The following QTMAN variants were observed in gnomAD, a reference collection of about 807,000 sequenced individuals.
The protein encoded by QTMAN is tRNA-queuosine alpha-mannosyltransferase.
the QTMAN span, among the ~76,000 whole-genome samples, chr2:144,238,511 T>C: frequency 6.6e-6 from 1 of 152,138 alleles, no homozygotes. Flanking sequence ...AGCTGTTGCC[T>C]GCAACTAAGA....
At chr2:144,098,925 C>G in the QTMAN span, among the ~76,000 whole-genome samples, 3 of 151,596 alleles carry the variant, frequency 2.0e-5, no homozygotes, top group Non-Finnish European at 2.9e-5. Flanking sequence ...ACTGATTTCC[C>G]TTTCCAGTGT....
chr2:143,989,784 G>A, the QTMAN span, among the ~76,000 whole-genome samples: 1 of 152,140 alleles, frequency 6.6e-6, no homozygotes, highest in African/African-American at 2.4e-5. Flanking sequence ...GTTGCCAAGT[G>A]ATGGTCATGT....
At chr2:144,136,383 AAAAGGAAAAGGAAAAGGAAAGG>A in the QTMAN span, among the ~76,000 whole-genome samples, 5 of 110,100 alleles carry the variant, frequency 4.5e-5, no homozygotes, top group Non-Finnish European at 9.8e-5. Context: ...AAGGAAAAGG[AAAAGGAAAAGGAAAAGGAAAGG>A]AAAGGAAAGG....
chr2:144,199,749 T>C, the QTMAN span, among the ~76,000 whole-genome samples: 2 of 152,188 alleles, frequency 1.3e-5, no homozygotes, highest in African/African-American at 4.8e-5. Context: ...ATGAGAGACA[T>C]GACAAATTCC....
At chr2:144,208,678 G>T in the QTMAN span, 8 of 1,613,722 alleles carry the variant, frequency 5.0e-6, no homozygotes, top group Non-Finnish European at 6.8e-6. Context: ...CCATTTCTTT[G>T]CAGGAAGGGT....
At chr2:144,204,071 A>G in the QTMAN span, among the ~76,000 whole-genome samples, 4 of 152,186 alleles carry the variant, frequency 2.6e-5, no homozygotes, top group Non-Finnish European at 5.9e-5. Context: ...AATACCATTC[A>G]GGACATAGGC....
At chr2:144,300,214 C>T in the QTMAN span, among the ~76,000 whole-genome samples, 1 of 152,232 alleles carries the variant, frequency 6.6e-6, no homozygotes, top group South Asian at 2.1e-4. Context: ...GGGAATGTAC[C>T]TAATGCCACT....
At chr2:144,066,305 T>G in the QTMAN span, among the ~76,000 whole-genome samples, 2 of 152,216 alleles carry the variant, frequency 1.3e-5, no homozygotes, top group African/African-American at 4.8e-5. Context: ...AAAATGTTCA[T>G]ATAAAAACTT....
chr2:144,064,056 C>T, the QTMAN span, among the ~76,000 whole-genome samples: 1 of 151,878 alleles, frequency 6.6e-6, no homozygotes, highest in South Asian at 2.1e-4. Flanking sequence ...TTTCAGTCTT[C>T]GAGCATAAAT....
chr2:144,306,049 A>C, the QTMAN span, among the ~76,000 whole-genome samples: 7,208 of 152,276 alleles, frequency 0.047, 259 homozygotes, highest in South Asian at 0.11. Flanking sequence ...TTTTCTCGAC[A>C]AATTGTCTTG....
At chr2:144,184,399 C>G in the QTMAN span, among the ~76,000 whole-genome samples, 17 of 152,248 alleles carry the variant, frequency 1.1e-4, 1 homozygote, top group South Asian at 3.3e-3. Flanking sequence ...AATATTTGCT[C>G]ATAATTCCTT....
chr2:144,159,350 G>T, the QTMAN span, among the ~76,000 whole-genome samples: 1 of 152,026 alleles, frequency 6.6e-6, no homozygotes, highest in East Asian at 1.9e-4. Flanking sequence ...TTTCAATAGT[G>T]TAAAGCTGGT....
chr2:144,277,938 A>G, the QTMAN span, among the ~76,000 whole-genome samples: 2 of 152,298 alleles, frequency 1.3e-5, no homozygotes, highest in East Asian at 3.9e-4. Flanking sequence ...TAGGATCTGC[A>G]TATGCCCTGA....
chr2:144,058,233 A>G, the QTMAN span, among the ~76,000 whole-genome samples: 4 of 149,442 alleles, frequency 2.7e-5, no homozygotes, highest in African/African-American at 4.9e-5. Context: ...CCCCTGTCCA[A>G]TCTTTCCTTG....
the QTMAN span, among the ~76,000 whole-genome samples, chr2:144,044,393 A>G: frequency 3.3e-4 from 50 of 152,240 alleles, 1 homozygote; most frequent in East Asian, 7.5e-3. Context: ...TCTCAATTTC[A>G]TAAAAGGGAG....
At chr2:144,309,292 T>C in the QTMAN span, among the ~76,000 whole-genome samples, 1 of 152,154 alleles carries the variant, frequency 6.6e-6, no homozygotes, top group Non-Finnish European at 1.5e-5. Flanking sequence ...TTAAAGCCTA[T>C]TTCCACAAAG....
At chr2:144,280,536 TC>T in the QTMAN span, among the ~76,000 whole-genome samples, 1 of 151,704 alleles carries the variant, frequency 6.6e-6, no homozygotes, top group Non-Finnish European at 1.5e-5. Flanking sequence ...AGAAACCATA[TC>T]AAAAATAAAA....
At chr2:144,293,970 G>C in the QTMAN span, among the ~76,000 whole-genome samples, 1 of 152,096 alleles carries the variant, frequency 6.6e-6, no homozygotes, top group Non-Finnish European at 1.5e-5. Flanking sequence ...ATAAACATAA[G>C]ATTTTACATG....
the QTMAN span, among the ~76,000 whole-genome samples, chr2:143,980,806 T>C: frequency 6.6e-6 from 1 of 152,214 alleles, no homozygotes; most frequent in Non-Finnish European, 1.5e-5. Context: ...CAAAAGACTG[T>C]TACATTATCC....
Sources: allele counts gnomAD v4.1 joint callset (sites outside exome capture counted in the v4.1 genomes callset), GRCh38; gene constraint gnomAD v4.1.1; transcripts MANE v1.5; gene names NCBI Gene and HGNC (gene_info 2026-07-23, HGNC 2026-07-21).